The following LAMA2 variants were observed in gnomAD, a reference collection of about 807,000 sequenced individuals.
LAMA2 encodes the protein laminin subunit alpha-2.
In LAMA2, 269 loss-of-function variants were observed where a neutral mutation model predicts 364.8. That is an observed-to-expected ratio of 0.74 (90% confidence interval 0.67 to 0.82). The LOEUF is 0.82. LAMA2 is among the 40% of genes least tolerant of loss of function. The pLI is 0.00. For synonymous variants in LAMA2, 1,379 were observed against 1,370.6 expected (o/e 1.01, Z -0.14); for missense variants, 3,807 against 3,873.2 (o/e 0.98, Z 0.45).
At chr6:128,975,325 A>T (rs576789856) in intron 1 of LAMA2, among the ~76,000 whole-genome samples, 166 of 152,306 alleles carry the variant, frequency 1.1e-3, no homozygotes, top group African/African-American at 3.8e-3. Flanking sequence ...AAAGATGAGC[A>T]GGAGAATTTC....
chr6:129,305,192 T>C (rs1039390626), intron 22 of LAMA2, among the ~76,000 whole-genome samples: 1 of 152,232 alleles, frequency 6.6e-6, no homozygotes, highest in African/African-American at 2.4e-5. Flanking sequence ...CCTAGTAACA[T>C]TCCTTGTTCA....
At chr6:129,401,493 G>T (rs970028821) in intron 38 of LAMA2, among the ~76,000 whole-genome samples, 153 bp downstream of exon 38, 7 of 152,184 alleles carry the variant, frequency 4.6e-5, no homozygotes, top group Non-Finnish European at 7.3e-5. Flanking sequence ...CTATCTATTG[G>T]TGACAACTGG....
rs7763974 is a variant in LAMA2 at position 129,054,237 on chromosome 6, T to A, written c.283+4149T>A. 1.2e-3 allele frequency among the ~76,000 whole-genome samples: 186 copies of A among 152,086 alleles called. 1 individual carries two copies. Among genetic ancestry groups the A allele is most frequent in the African/African-American group, 4.1e-3 (170 of 41,482 alleles). On this transcript the variant is annotated intron_variant, in intron 2 of 64. Coordinates refer to ENST00000421865, the MANE Select transcript of LAMA2 (RefSeq NM_000426.4). The stretch of plus-strand genomic sequence containing the variant: ...TCACTGAGCCGTAATCAGAATAAAG[T>A]GGCAATTCCATATGGAGTAAAATAA...
At chr6:128,938,596 G>A (rs964410350) in intron 1 of LAMA2, among the ~76,000 whole-genome samples, 1 of 152,218 alleles carries the variant, frequency 6.6e-6, no homozygotes, top group East Asian at 1.9e-4. Flanking sequence ...TCAATGCCTA[G>A]GTCCCATGAG....
At chr6:129,233,281 G>A (rs1190788448) in intron 12 of LAMA2, among the ~76,000 whole-genome samples, 2 of 152,118 alleles carry the variant, frequency 1.3e-5, no homozygotes, top group African/African-American at 4.8e-5. Flanking sequence ...GGAAACTAAT[G>A]CAATGTACAG....
intron 30 of LAMA2, among the ~76,000 whole-genome samples, chr6:129,347,325 G>A (rs1025286923): frequency 6.6e-6 from 1 of 152,262 alleles, no homozygotes; most frequent in East Asian, 1.9e-4. Flanking sequence ...TGGAGGGGGA[G>A]AAACTTACTT....
intron 1 of LAMA2, among the ~76,000 whole-genome samples, chr6:128,883,773 CATCAAAAAAAA>C (rs1156554255): frequency 1.4e-5 from 2 of 146,932 alleles, no homozygotes; most frequent in Middle Eastern, 3.5e-3. Context: ...GTAGCTGATG[CATCAAAAAAAA>C]ATTATATATA....
Position 129,514,430 on chromosome 6 carries a change from G to A in LAMA2, c.9046G>A (p.Val3016Ile). The A allele has an allele frequency of 6.2e-7, 1 of 1,614,034 alleles. No individual in the cohort carries two copies. The highest frequency in any genetic ancestry group is 1.1e-5 in the South Asian group (1 of 91,074). Residue 3016 changes from valine (V) to isoleucine (I), a missense_variant, in exon 64 of 65, where the codon GTT becomes ATT. Around this residue, in one of 3 missense-constraint regions of LAMA2, gnomAD observed 3,333 missense variants for 3,345.7 expected, o/e 1.00. Transcript: ENST00000421865. ...ATTCACTGCTGTCTATGATGCTGGG[G>A]TTCCAGGGCATTTGTGTGATGGACA... ...GRFTAVYDAG[V>I]PGHLCDGQWH...
rs3828736 is a variant in LAMA2, at chr6:129,403,927, G to A, written c.5833G>A (p.Ala1945Thr). The change falls in exon 40 of 65, where the codon GCC becomes ACC. Residue 1945 changes from alanine (A) to threonine (T), a missense_variant. Around this residue, in one of 3 missense-constraint regions of LAMA2, gnomAD observed 3,333 missense variants for 3,345.7 expected, o/e 1.00. Transcript: ENST00000421865. Reference protein sequence around the residue: ...IDEAEKVAKEAKDLAHEATKL... With the variant: ...IDEAEKVAKETKDLAHEATKL... ...TGAAGCTGAGAAAGTTGCCAAAGAA[G>A]CCAAAGATCTTGCACATGAAGCTAC... is the stretch of plus-strand genomic sequence containing the variant. 25 of 1,613,832 alleles carry A rather than the reference G, an allele frequency of 1.5e-5. No individual in the cohort carries two copies. In the East Asian group the frequency reaches 5.3e-4, roughly 35 times the overall value.
At chr6:128,941,439 T>G (rs571402929) in intron 1 of LAMA2, among the ~76,000 whole-genome samples, 35 of 131,850 alleles carry the variant, frequency 2.7e-4, no homozygotes, top group Non-Finnish European at 5.7e-4. Flanking sequence ...GGATGTTTGT[T>G]GAATGAATGA....
chr6:129,078,735 C>T (rs1185778053), intron 3 of LAMA2, among the ~76,000 whole-genome samples: 1 of 152,158 alleles, frequency 6.6e-6, no homozygotes, highest in Non-Finnish European at 1.5e-5. Flanking sequence ...CACCATTCAG[C>T]TCTACAATGC....
intron 32 of LAMA2, among the ~76,000 whole-genome samples, chr6:129,363,277 A>G (rs548916029): frequency 3.3e-5 from 5 of 152,286 alleles, no homozygotes; most frequent in Middle Eastern, 3.4e-3. Context: ...GTACTCCAGC[A>G]TGGGTGGCAG....
intron 34 of LAMA2, among the ~76,000 whole-genome samples, chr6:129,376,019 T>C (rs17057193): frequency 0.022 from 3,363 of 152,272 alleles, 128 homozygotes; most frequent in African/African-American, 0.077. Flanking sequence ...AACTCTAACC[T>C]GTTGTTATTT....
intron 52 of LAMA2, among the ~76,000 whole-genome samples, chr6:129,474,841 A>G (rs970115617): frequency 1.3e-5 from 2 of 152,174 alleles, no homozygotes; most frequent in African/African-American, 4.8e-5. Flanking sequence ...AGCATTGCAT[A>G]ATTACAGTAT....
chr6:128,887,540 G>T (rs912657167), intron 1 of LAMA2, among the ~76,000 whole-genome samples: 3 of 151,882 alleles, frequency 2.0e-5, no homozygotes, highest in African/African-American at 7.3e-5. Context: ...TCTACCCTAG[G>T]ATTTCATGCA....
chr6:129,089,568 C>T (rs1774678296), intron 3 of LAMA2, among the ~76,000 whole-genome samples: 1 of 152,204 alleles, frequency 6.6e-6, no homozygotes, highest in Non-Finnish European at 1.5e-5. Context: ...TGCTCTTTTA[C>T]CAGTAGCTGG....
chr6:129,414,840 A>G (rs1330812446), intron 40 of LAMA2, among the ~76,000 whole-genome samples: 1 of 152,196 alleles, frequency 6.6e-6, no homozygotes, highest in Non-Finnish European at 1.5e-5. Context: ...AGGATCAACA[A>G]TTCCAAATCT....
chr6:129,038,981 T>G (rs1452078483), intron 1 of LAMA2, among the ~76,000 whole-genome samples: 1 of 152,218 alleles, frequency 6.6e-6, no homozygotes. Flanking sequence ...TTTAATGCCC[T>G]TCATTTGCCA....
At chr6:129,094,853 A>G (rs763490105) in intron 3 of LAMA2, among the ~76,000 whole-genome samples, 7 of 152,198 alleles carry the variant, frequency 4.6e-5, no homozygotes, top group African/African-American at 7.2e-5. Flanking sequence ...AACAGAGGGT[A>G]AAAGAGTTTC....
Sources: gnomAD v4.1 joint callset for allele counts (sites outside exome capture counted in the v4.1 genomes callset) on GRCh38, gnomAD v4.1.1 for gene constraint, gnomAD v4.1.1 regional missense constraint, MANE v1.5 for transcripts, NCBI Gene and HGNC (gene_info 2026-07-23, HGNC 2026-07-21) for gene names.